MSRA: variants seen among roughly 807,000 people sequenced by gnomAD.
MSRA encodes the protein methionine sulfoxide reductase A.
In MSRA, 54 loss-of-function variants were observed where a neutral mutation model predicts 31.3. The observed-to-expected ratio is 1.73, with a 90% CI of 1.39 to 2.17. MSRA has a LOEUF of 2.17. MSRA is among the 30% of genes most tolerant of loss of function. The pLI is 0.00. For synonymous variants in MSRA, 169 were observed against 116.5 expected (o/e 1.45, Z -2.90); for missense variants, 507 against 300.9 (o/e 1.69, Z -5.07).
chr8:10,376,688 A>G (rs1306621925), intron 5 of MSRA, among the ~76,000 whole-genome samples: 1 of 152,214 alleles, frequency 6.6e-6, no homozygotes, highest in Non-Finnish European at 1.5e-5. Context: ...GGAGTTTTTG[A>G]ACCAGTTTTA....
chr8:10,082,858 G>A (rs1013385535), intron 1 of MSRA, among the ~76,000 whole-genome samples: 1 of 152,218 alleles, frequency 6.6e-6, no homozygotes, highest in Admixed American at 6.5e-5. Context: ...AAAGTGCCGT[G>A]AACAGAGTAG....
At chr8:10,321,141 C>G (rs1442422078) in intron 5 of MSRA, among the ~76,000 whole-genome samples, 1 of 152,030 alleles carries the variant, frequency 6.6e-6, no homozygotes, top group Non-Finnish European at 1.5e-5. Context: ...TTAAAATCCT[C>G]CAATAGAGAT....
chr8:10,422,869 G>T (rs1014754118), intron 5 of MSRA, among the ~76,000 whole-genome samples: 35 of 152,282 alleles, frequency 2.3e-4, no homozygotes, highest in African/African-American at 7.2e-4. Flanking sequence ...ACTTCAACCA[G>T]GCAAGTCCGT....
In MSRA at chr8:10,054,352, G is replaced by T; in HGVS notation, c.-165G>T. Reference sequence around the variant, plus strand: ...TACGGCCCCGGGTTTGGGCAACCTCGATTACGGGCGGCCTCCAGCCCCGCC... The same window carrying T: ...TACGGCCCCGGGTTTGGGCAACCTCTATTACGGGCGGCCTCCAGCCCCGCC... On this transcript the variant is annotated 5_prime_UTR_variant, in exon 1 of 6. Transcript: ENST00000317173. 1.7e-6 allele frequency: 1 copy of T among 593,866 alleles called. No individual in the cohort carries two copies. The allele number at this position is 593,866 out of a possible 1,614,324, so 36.8% of individuals were successfully genotyped here. A position where few individuals can be genotyped will look rare whatever the true frequency, so the allele number is the denominator to read the frequency against.
rs1585091505 is a variant in MSRA at position 10,173,546 on chromosome 8, A to G, written c.143-34287A>G. 4.6e-5 allele frequency among the ~76,000 whole-genome samples: 7 copies of G among 152,322 alleles called. 1 individual carries two copies. The highest frequency in any genetic ancestry group is 1.3e-4 in the Admixed American group (2 of 15,304). On this transcript the variant is annotated intron_variant, in intron 1 of 5. Transcript: ENST00000317173. ...CTCTGGCTGGTTTTAGGCATTGCCC[A>G]TAAATCGAGGCTACAACTGTTCTCC...
chr8:10,141,001 T>C (rs1363346759), intron 1 of MSRA, among the ~76,000 whole-genome samples: 1 of 152,158 alleles, frequency 6.6e-6, no homozygotes, highest in African/African-American at 2.4e-5. Context: ...GAAGTCCTTT[T>C]TGGGGGCTGT....
intron 1 of MSRA, among the ~76,000 whole-genome samples, chr8:10,060,506 C>G (rs993978844): frequency 6.6e-6 from 1 of 152,116 alleles, no homozygotes; most frequent in Non-Finnish European, 1.5e-5. Flanking sequence ...ACTTTTGATG[C>G]TTTTTTGTAA....
chr8:10,416,458 G>A (rs972464359), intron 5 of MSRA, among the ~76,000 whole-genome samples: 1 of 152,216 alleles, frequency 6.6e-6, no homozygotes, highest in Admixed American at 6.5e-5. Context: ...GTTTGTCAGT[G>A]TCCTTATGTG....
intron 1 of MSRA, among the ~76,000 whole-genome samples, chr8:10,099,191 GGTTCATCTTTGAAGA>G (rs562368255): frequency 4.0e-4 from 61 of 152,306 alleles, no homozygotes; most frequent in African/African-American, 1.5e-3. Context: ...AGAAGGCATA[GGTTCATCTTTGAAGA>G]GGAGATAAAA....
At chr8:10,419,463 G>A (rs953619580) in intron 5 of MSRA, among the ~76,000 whole-genome samples, 2 of 152,252 alleles carry the variant, frequency 1.3e-5, no homozygotes, top group South Asian at 2.1e-4. Flanking sequence ...AACTGCTTTG[G>A]GTTTCCTAGT....
At chr8:10,194,371 A>G (rs1433223553) in intron 1 of MSRA, among the ~76,000 whole-genome samples, 1 of 152,174 alleles carries the variant, frequency 6.6e-6, no homozygotes, top group South Asian at 2.1e-4. Flanking sequence ...GTTTGAGGCC[A>G]GCCTGTTCAA....
chr8:10,365,873 T>C (rs1805134772), intron 5 of MSRA, among the ~76,000 whole-genome samples: 1 of 152,244 alleles, frequency 6.6e-6, no homozygotes, highest in Admixed American at 6.5e-5. Flanking sequence ...CCAGGACTCC[T>C]GGCTCCAGGC....
intron 5 of MSRA, among the ~76,000 whole-genome samples, chr8:10,410,610 G>A (rs997698671): frequency 2.0e-4 from 30 of 152,270 alleles, no homozygotes; most frequent in African/African-American, 6.7e-4. Flanking sequence ...CTCAAGGTCA[G>A]CTCCTGAAGG....
intron 1 of MSRA, among the ~76,000 whole-genome samples, chr8:10,194,233 G>A (rs927745585): frequency 7.9e-5 from 12 of 152,120 alleles, no homozygotes; most frequent in African/African-American, 2.9e-4. Flanking sequence ...CCAAAATTTT[G>A]CATGCTTGAT....
chr8:10,374,286 C>A (rs1435264572), intron 5 of MSRA, among the ~76,000 whole-genome samples: 1 of 152,154 alleles, frequency 6.6e-6, no homozygotes, highest in African/African-American at 2.4e-5. Context: ...AACTGTGATT[C>A]TCCTAAATCC....
chr8:10,157,972 A>G (rs1804298482), intron 1 of MSRA, among the ~76,000 whole-genome samples: 1 of 152,220 alleles, frequency 6.6e-6, no homozygotes, highest in Non-Finnish European at 1.5e-5. Flanking sequence ...GGTGGCTTAT[A>G]TGCAACAGAG....
chr8:10,372,664 A>T (rs1431543287), intron 5 of MSRA, among the ~76,000 whole-genome samples: 1 of 152,246 alleles, frequency 6.6e-6, no homozygotes, highest in Non-Finnish European at 1.5e-5. Flanking sequence ...TGAAAAAACC[A>T]TAATGAGTAA....
chr8:10,163,109 GGAGGT>G (rs1804806592), intron 1 of MSRA, among the ~76,000 whole-genome samples: 1 of 152,158 alleles, frequency 6.6e-6, no homozygotes, highest in African/African-American at 2.4e-5. Flanking sequence ...GGACACAATG[GGAGGT>G]TGACCAACTG....
chr8:10,288,682 A>T (rs936189710), intron 3 of MSRA, among the ~76,000 whole-genome samples: 23 of 152,080 alleles, frequency 1.5e-4, no homozygotes, highest in African/African-American at 2.7e-4. Flanking sequence ...TCCATTTTTT[A>T]AAAAAAATTT....
Sources: gnomAD v4.1 joint callset for allele counts (sites outside exome capture counted in the v4.1 genomes callset) on GRCh38, gnomAD v4.1.1 for gene constraint, MANE v1.5 for transcripts, NCBI Gene and HGNC (gene_info 2026-07-23, HGNC 2026-07-21) for gene names.